The following VWA3B variants were observed in gnomAD, a reference collection of about 807,000 sequenced individuals.
The protein encoded by VWA3B is von Willebrand factor A domain containing 3B, also known as von Willebrand factor A domain-containing protein 3B.
VWA3B carries 138 observed loss-of-function variants against 158.3 expected under a neutral mutation model. The observed-to-expected ratio is 0.87, with a 90% CI of 0.76 to 1.00. VWA3B has a LOEUF of 1.00. Ranked by LOEUF, VWA3B falls within the 50% of genes least tolerant of loss-of-function variation. VWA3B has a pLI of 0.00. For missense variants in VWA3B, 1,555 were observed against 1,565.1 expected, an observed-to-expected ratio of 0.99 and a Z score of 0.11; for synonymous variants, 596 against 587.3, an observed-to-expected ratio of 1.01 and a Z score of -0.21.
chr2:98,185,277 C>T (rs545381760), intron 9 of VWA3B, among the ~76,000 whole-genome samples: 73 of 152,332 alleles, frequency 4.8e-4, no homozygotes, highest in African/African-American at 1.4e-3. Flanking sequence ...ACCACCTCCT[C>T]TCTGTCCTCT....
intron 2 of VWA3B, among the ~76,000 whole-genome samples, chr2:98,102,380 G>T (rs545447705): frequency 6.6e-6 from 1 of 151,898 alleles, no homozygotes; most frequent in Non-Finnish European, 1.5e-5. Flanking sequence ...CTCAATGGTC[G>T]CTGTCTTTTC....
intron 22 of VWA3B, among the ~76,000 whole-genome samples, chr2:98,290,161 G>T (rs1003893355): frequency 2.6e-5 from 4 of 152,182 alleles, no homozygotes; most frequent in Non-Finnish European, 4.4e-5. Flanking sequence ...CACAATTGGG[G>T]AGGCCACAGG....
At chr2:98,252,811 A>G (rs1686881295) in intron 20 of VWA3B, among the ~76,000 whole-genome samples, 1 of 152,164 alleles carries the variant, frequency 6.6e-6, no homozygotes, top group African/African-American at 2.4e-5. Context: ...CAGCAAAACC[A>G]AAACAAACAT....
chr2:98,240,348 A>G (rs1685995740), intron 19 of VWA3B, among the ~76,000 whole-genome samples: 1 of 152,198 alleles, frequency 6.6e-6, no homozygotes, highest in Non-Finnish European at 1.5e-5. Context: ...CTTCCCCATT[A>G]TTAATGGATA....
chr2:98,275,291 G>C (rs1385133720), intron 22 of VWA3B, among the ~76,000 whole-genome samples: 1 of 152,206 alleles, frequency 6.6e-6, no homozygotes, highest in Non-Finnish European at 1.5e-5. Context: ...CACTTTCAGC[G>C]CTCTTGATTC....
At chr2:98,137,506 A>T (rs1291865285) in intron 7 of VWA3B, among the ~76,000 whole-genome samples, 1 of 152,230 alleles carries the variant, frequency 6.6e-6, no homozygotes, top group Non-Finnish European at 1.5e-5. Flanking sequence ...ATTTCAAATA[A>T]AGACAGGCTC....
intron 7 of VWA3B, among the ~76,000 whole-genome samples, chr2:98,151,460 T>C (rs981493694): frequency 1.3e-5 from 2 of 152,214 alleles, no homozygotes; most frequent in African/African-American, 4.8e-5. Flanking sequence ...AGGCCCGCTA[T>C]GTGCCACATT....
At chr2:98,093,394 T>C (rs979798051) in intron 2 of VWA3B, 106 bp downstream of exon 2, 1 of 1,159,584 alleles carries the variant, frequency 8.6e-7, no homozygotes. Flanking sequence ...CTGAGCTTGC[T>C]TTGATCTTAT....
Position 98,236,710 on chromosome 2 carries a change from G to A in VWA3B, c.2653G>A (p.Val885Met), listed in dbSNP as rs11889349. The A allele has an allele frequency of 0.56, 905,762 of 1,613,676 alleles. 259,938 individuals carry two copies. Among genetic ancestry groups the A allele is most frequent in the South Asian group, 0.81 (73,539 of 91,052 alleles). The change falls in exon 19 of 28, where the codon GTG (valine) becomes ATG (methionine). Residue 885 changes from valine (V) to methionine (M), a missense_variant. Physicochemically the swap from Val to Met is conservative, Grantham distance 21. Coordinates refer to ENST00000477737, the MANE Select transcript of VWA3B (RefSeq NM_144992.5). ...TYVPVLDKHV[V>M]SKVFDEVFPL... ...TGTTCCCGTCCTGGACAAGCATGTC[G>A]TGTCTAAGGTCTTTGATGAGGTAAA...
rs112537282 is a variant in VWA3B, at chr2:98,306,162, G to A, written c.3521+2360G>A. Reference sequence around the variant, plus strand: ...GGGAACTCCAAGACTGAGCTCAAACGTCAACACCACCATGTGATGTCCCAG... The same window carrying A: ...GGGAACTCCAAGACTGAGCTCAAACATCAACACCACCATGTGATGTCCCAG... On this transcript the variant is annotated intron_variant, in intron 26 of 27. Coordinates refer to ENST00000477737, the MANE Select transcript of VWA3B (RefSeq NM_144992.5). Among the ~76,000 whole-genome samples, 589 of 152,124 alleles carry A rather than the reference G, an allele frequency of 3.9e-3. 2 individuals carry two copies. The highest frequency in any genetic ancestry group is 0.01 in the African/African-American group (427 of 41,492).
In VWA3B at chr2:98,228,349, G is replaced by C. The variant is rs372667967; in HGVS notation, c.2150+17G>C. ...AGACAGCAAGTGAGCACCTCTGCCC[G>C]CCTGTCTCCCTGCGCTGAGGCCTCT... On this transcript the variant is annotated intron_variant, in intron 15 of 27. Coordinates refer to ENST00000477737, the MANE Select transcript of VWA3B (RefSeq NM_144992.5). 5 of 1,607,590 alleles carry C rather than the reference G, an allele frequency of 3.1e-6. No homozygotes were observed. The highest frequency in any genetic ancestry group is 1.1e-5 in the South Asian group (1 of 89,728).
intron 25 of VWA3B, among the ~76,000 whole-genome samples, chr2:98,303,421 G>GGGGT (rs1442576450): frequency 6.8e-6 from 1 of 146,650 alleles, no homozygotes; most frequent in Middle Eastern, 3.5e-3. Context: ...GTTATGTGAA[G>GGGGT]GTGTGTGTGT....
At chr2:98,126,265 G>A (rs1675342243) in intron 5 of VWA3B, among the ~76,000 whole-genome samples, 1 of 152,244 alleles carries the variant, frequency 6.6e-6, no homozygotes, top group African/African-American at 2.4e-5. Context: ...TTTGGGATTA[G>A]TGCCAGAGGA....
Position 98,219,806 on chromosome 2 carries a change from C to T in VWA3B, c.2019+1778C>T, listed in dbSNP as rs1230041879. On this transcript the variant is annotated intron_variant, in intron 14 of 27. Transcript: ENST00000477737. ...ATGTTTAAAATACTGAGAGACTGTCCACATAGAGCCTATGCGGACTGAAAA... is the reference window on the plus strand; with the variant it reads ...ATGTTTAAAATACTGAGAGACTGTCTACATAGAGCCTATGCGGACTGAAAA... Among the ~76,000 whole-genome samples, 3 of 152,036 alleles carry T rather than the reference C, an allele frequency of 2.0e-5. No individual in the cohort carries two copies. In the East Asian group the frequency reaches 5.8e-4, roughly 29 times the overall value.
chr2:98,135,188 A>G (rs998894343), intron 7 of VWA3B, among the ~76,000 whole-genome samples: 3 of 152,190 alleles, frequency 2.0e-5, no homozygotes, highest in Non-Finnish European at 4.4e-5. Flanking sequence ...ATTACTGGAA[A>G]TGGGGTTTAG....
the VWA3B span, among the ~76,000 whole-genome samples, chr2:98,320,943 G>T: frequency 6.6e-6 from 1 of 152,184 alleles, no homozygotes; most frequent in African/African-American, 2.4e-5. Flanking sequence ...CTTCATGGCA[G>T]CCCCTCCCAT....
chr2:98,175,123 G>A (rs1027547304), intron 8 of VWA3B, among the ~76,000 whole-genome samples: 1 of 152,098 alleles, frequency 6.6e-6, no homozygotes, highest in Non-Finnish European at 1.5e-5. Flanking sequence ...AATGAGGCAT[G>A]CAAAGAAATA....
At chr2:98,163,727 C>A (rs1228828963) in intron 8 of VWA3B, among the ~76,000 whole-genome samples, 2 of 152,084 alleles carry the variant, frequency 1.3e-5, no homozygotes, top group South Asian at 2.1e-4. Flanking sequence ...ATGTTAAGGG[C>A]AGGGGGGCTT....
At position 98,290,545 on chromosome 2, in the gene VWA3B, C is replaced by T. The variant is rs369335360; in HGVS notation, c.3080C>T (p.Thr1027Ile). The change falls in exon 23 of 28, where the codon ACC (threonine) becomes ATC (isoleucine). Residue 1027 changes from threonine to isoleucine, a missense_variant. Physicochemically the swap from Thr to Ile is moderately conservative, Grantham distance 89. Transcript: ENST00000477737. ...QKLQGNPTKKTKSKRPDPLKG... is the reference protein window; with the variant it reads ...QKLQGNPTKKIKSKRPDPLKG... ...TTGCAAGGAAATCCAACAAAGAAAA[C>T]CAAATCAAAAAGACCAGATCCCCTC... 49 of 1,582,568 alleles carry T rather than the reference C, an allele frequency of 3.1e-5. No homozygotes were observed. The highest frequency in any genetic ancestry group is 3.6e-5 in the Non-Finnish European group (42 of 1,171,806).
Sources: allele counts gnomAD v4.1 joint callset (sites outside exome capture counted in the v4.1 genomes callset), GRCh38; gene constraint gnomAD v4.1.1; transcripts MANE v1.5; gene names NCBI Gene and HGNC (gene_info 2026-07-23, HGNC 2026-07-21).